Variants in SPATS1 observed in about 807,000 individuals in gnomAD.
SPATS1 encodes the protein spermatogenesis-associated serine-rich protein 1.
A neutral mutation model predicts 33.6 loss-of-function variants in SPATS1; 23 were observed. The observed-to-expected ratio is 0.68, with a 90% CI of 0.49 to 0.97. The LOEUF is 0.97. Ranked by LOEUF, SPATS1 falls within the 50% of genes least tolerant of loss-of-function variation. The pLI is 0.00. For synonymous variants in SPATS1, 131 were observed against 125.6 expected (o/e 1.04, Z -0.29); for missense variants, 327 against 361.0 (o/e 0.91, Z 0.76).
intron 2 of SPATS1, among the ~76,000 whole-genome samples, chr6:44,344,851 G>A (rs1787780467): frequency 6.6e-6 from 1 of 152,102 alleles, no homozygotes; most frequent in South Asian, 2.1e-4. Flanking sequence ...ATTTTGCAGT[G>A]TTTTAGAAAC....
At position 44,344,390 on chromosome 6, in the gene SPATS1, CGTGTGTGT is replaced by C. The variant is rs70993448; in HGVS notation, c.139+1182_139+1189del. 8.4e-3 allele frequency among the ~76,000 whole-genome samples: 1,227 copies of C among 145,598 alleles called. 7 individuals carry two copies. Among genetic ancestry groups the C allele is most frequent in the South Asian group, 0.016 (72 of 4,570 alleles). On this transcript the variant is annotated intron_variant, in intron 2 of 8. Coordinates refer to ENST00000674044, the MANE Select transcript of SPATS1 (RefSeq NM_001372081.1). ...GGGCTCCACAAACCAATTGAAGATACGTGTGTGTGTGTGTGTGTGTGTGTGTGTGTGTG... is the reference window on the plus strand; with the variant it reads ...GGGCTCCACAAACCAATTGAAGATACGTGTGTGTGTGTGTGTGTGTGTGTG...
intron 2 of SPATS1, among the ~76,000 whole-genome samples, chr6:44,350,547 G>A (rs377312130): frequency 1.3e-5 from 2 of 152,346 alleles, no homozygotes; most frequent in Middle Eastern, 3.4e-3. Context: ...CAGAGTGGGA[G>A]GATTTTGAAG....
chr6:44,347,502 T>C (rs1787967297), intron 2 of SPATS1, among the ~76,000 whole-genome samples: 2 of 152,242 alleles, frequency 1.3e-5, no homozygotes, highest in African/African-American at 4.8e-5. Context: ...TATTCAAATC[T>C]ATGCCTCTTT....
chr6:44,348,020 T>G (rs9381312), intron 2 of SPATS1, among the ~76,000 whole-genome samples: 3,888 of 151,982 alleles, frequency 0.026, 104 homozygotes, highest in East Asian at 0.062. Context: ...TTTTGTTTTT[T>G]TTTTGGGATG....
At chr6:44,365,027 G>T (rs753953301) in intron 5 of SPATS1, among the ~76,000 whole-genome samples, 8 of 152,096 alleles carry the variant, frequency 5.3e-5, no homozygotes, top group Non-Finnish European at 1.0e-4. Flanking sequence ...GACCTCAGAT[G>T]ATCCACCCGC....
At position 44,349,132 on chromosome 6, in the gene SPATS1, A is replaced by C. The variant is rs150804917; in HGVS notation, c.140-3594A>C. Among the ~76,000 whole-genome samples the C allele has an allele frequency of 2.8e-3, 418 of 151,638 alleles. 4 individuals carry two copies. The highest frequency in any genetic ancestry group is 9.0e-3 in the African/African-American group (370 of 41,298). ...GGGGACAGAGCGAGACTCTGTCTCC[A>C]AGAAATGAATAAATAAATAAGCTGG... On this transcript the variant is annotated intron_variant, in intron 2 of 8. Transcript: ENST00000674044.
At chr6:44,347,574 T>A (rs1787972844) in intron 2 of SPATS1, among the ~76,000 whole-genome samples, 1 of 152,250 alleles carries the variant, frequency 6.6e-6, no homozygotes, top group Admixed American at 6.5e-5. Flanking sequence ...TAAGATTATA[T>A]AAACTTTCAC....
chr6:44,363,849 A>T (rs2153368284), intron 5 of SPATS1, among the ~76,000 whole-genome samples: 1 of 152,300 alleles, frequency 6.6e-6, no homozygotes, highest in East Asian at 1.9e-4. Flanking sequence ...ATGAAATATC[A>T]CAAATACTTG....
At position 44,357,255 on chromosome 6, in the gene SPATS1, T is replaced by C. The variant is rs1257021224; in HGVS notation, c.288-3191T>C. ...CTTTGCTTGAAGTGGCTTCCTCCAA[T>C]GCCTTGCTGTGTTCACATATTGTAG... On this transcript the variant is annotated intron_variant, in intron 3 of 8. Coordinates refer to ENST00000674044, the MANE Select transcript of SPATS1 (RefSeq NM_001372081.1). 4.6e-5 allele frequency among the ~76,000 whole-genome samples: 7 copies of C among 152,292 alleles called. No homozygotes were observed. The East Asian group carries it at 1.4e-3, about 29-fold the overall frequency.
At position 44,343,245 on chromosome 6, in the gene SPATS1, A is replaced by G. The variant is rs771800489; in HGVS notation, c.139+11A>G. 6 of 1,611,400 alleles carry G rather than the reference A, an allele frequency of 3.7e-6. No homozygotes were observed. In the African/African-American group the frequency reaches 4.0e-5, roughly 11 times the overall value. ...TGGAGAGGACCTACAGTTGAGTTCT[A>G]AGAAATCCAGGCTGTGGAGTTGGTG... On this transcript the variant is annotated intron_variant, in intron 2 of 8. Coordinates refer to ENST00000674044, the MANE Select transcript of SPATS1 (RefSeq NM_001372081.1).
intron 6 of SPATS1, 49 bp from the exon 7 acceptor site, chr6:44,370,002 T>C: frequency 7.1e-7 from 1 of 1,407,644 alleles, no homozygotes; most frequent in Non-Finnish European, 1.0e-6. Flanking sequence ...ATTGATCTCT[T>C]TGCTGTAGAT....
rs771260636 is a variant in SPATS1 at position 44,352,712 on chromosome 6, T to A, written c.140-14T>A. ...TCAATAATGTAATTAAATGGTGATA[T>A]CTCTGTGTTACAGGTGCTAATTGCA... On this transcript the variant is annotated splice_polypyrimidine_tract_variant and intron_variant, in intron 2 of 8. Transcript: ENST00000674044. 6.2e-7 allele frequency: 1 copy of A among 1,612,296 alleles called. No individual in the cohort carries two copies. Among genetic ancestry groups the A allele is most frequent in the South Asian group, 1.1e-5 (1 of 91,010 alleles).
chr6:44,356,063 T>C (rs1277730436), intron 3 of SPATS1, among the ~76,000 whole-genome samples: 1 of 152,316 alleles, frequency 6.6e-6, no homozygotes, highest in East Asian at 1.9e-4. Flanking sequence ...TATATTGAAC[T>C]GCTTTCCAGA....
chr6:44,342,821 G>C (rs999165612), intron 1 of SPATS1, 53 bp downstream of exon 1: 4 of 990,906 alleles, frequency 4.0e-6, no homozygotes, highest in Middle Eastern at 4.4e-4. Context: ...GAAGGGGGTG[G>C]GAAGACCCCG....
Position 44,361,864 on chromosome 6 carries a change from C to T in SPATS1, c.446C>T (p.Pro149Leu). 6.2e-7 allele frequency: 1 copy of T among 1,614,202 alleles called. No individual in the cohort carries two copies. Among genetic ancestry groups the T allele is most frequent in the Non-Finnish European group, 8.5e-7 (1 of 1,180,042 alleles). ...CATCGTCCTGAGTGGACATTTTACC[C>T]AAGGTTTAGCAGCAACATCCACACC... Reference protein sequence around the residue: ...DGHRPEWTFYPRFSSNIHTYH... With the variant: ...DGHRPEWTFYLRFSSNIHTYH... The change falls in exon 5 of 9, where the codon CCA (proline) becomes CTA (leucine). Residue 149 changes from proline (P) to leucine (L), a missense_variant. Pro to Leu is a moderately conservative substitution (Grantham distance 98). Transcript: ENST00000674044.
chr6:44,343,236 T>C lies in SPATS1; in HGVS notation c.139+2T>C. ...TGACCGAGGTGGAGAGGACCTACAG[T>C]TGAGTTCTAAGAAATCCAGGCTGTG... is the stretch of plus-strand genomic sequence containing the variant. On this transcript the variant is annotated splice_donor_variant, in intron 2 of 8. Transcript: ENST00000674044. LOFTEE classifies it high-confidence loss of function. 1.2e-6 allele frequency: 2 copies of C among 1,613,428 alleles called. No homozygotes were observed. Among genetic ancestry groups the C allele is most frequent in the Admixed American group, 1.7e-5 (1 of 59,964 alleles).
chr6:44,365,378 A>G (rs1439926348), intron 5 of SPATS1, among the ~76,000 whole-genome samples: 6 of 152,222 alleles, frequency 3.9e-5, no homozygotes, highest in Admixed American at 3.9e-4. Context: ...AGCATATTGT[A>G]TTAGTCAGAA....
chr6:44,351,394 C>A (rs184292232), intron 2 of SPATS1, among the ~76,000 whole-genome samples: 114 of 152,142 alleles, frequency 7.5e-4, no homozygotes, highest in African/African-American at 2.6e-3. Flanking sequence ...CCCGTCGATA[C>A]CAAAAGATGA....
chr6:44,342,793 A>AC (rs1476367076), intron 1 of SPATS1, 25 bp downstream of exon 1: 8 of 610,296 alleles, frequency 1.3e-5, no homozygotes, highest in Non-Finnish European at 2.0e-5. Context: ...CTGAGCACAG[A>AC]CCCGGGCCTC....
Sources: allele counts gnomAD v4.1 joint callset (sites outside exome capture counted in the v4.1 genomes callset), GRCh38; gene constraint gnomAD v4.1.1; transcripts MANE v1.5; gene names NCBI Gene and HGNC (gene_info 2026-07-23, HGNC 2026-07-21).